The following MGAT4C variants were observed in gnomAD, a reference collection of about 807,000 sequenced individuals.
MGAT4C encodes alpha-1,3-mannosyl-glycoprotein 4-beta-N-acetylglucosaminyltransferase C.
A neutral mutation model predicts 40.1 loss-of-function variants in MGAT4C; 19 were observed. The observed-to-expected ratio is 0.47, with a 90% CI of 0.33 to 0.70. The LOEUF is 0.70. Ranked by LOEUF, MGAT4C falls within the 30% of genes least tolerant of loss-of-function variation. The pLI is 0.02. For synonymous variants in MGAT4C, 181 were observed against 187.1 expected (o/e 0.97, Z 0.27); for missense variants, 491 against 563.2 (o/e 0.87, Z 1.30).
chr12:86,769,585 A>G (rs1214377482), intron 1 of MGAT4C, among the ~76,000 whole-genome samples: 1 of 152,176 alleles, frequency 6.6e-6, no homozygotes, highest in African/African-American at 2.4e-5. Flanking sequence ...TTGCAGCACT[A>G]TTCACAATAG....
chr12:86,000,081 G>A, intron 2 of MGAT4C, among the ~76,000 whole-genome samples: 1 of 152,116 alleles, frequency 6.6e-6, no homozygotes, highest in East Asian at 1.9e-4. Flanking sequence ...ATTGTACAAT[G>A]TATACACATG....
chr12:86,566,986 C>T, intron 2 of MGAT4C, among the ~76,000 whole-genome samples: 1 of 152,008 alleles, frequency 6.6e-6, no homozygotes, highest in East Asian at 1.9e-4. Flanking sequence ...ACTGGTCTTA[C>T]CATGTTCCCT....
intron 2 of MGAT4C, among the ~76,000 whole-genome samples, chr12:86,025,010 C>A (rs1284993586): frequency 6.6e-6 from 1 of 151,296 alleles, no homozygotes; most frequent in Non-Finnish European, 1.5e-5. Flanking sequence ...TCGGATGAAA[C>A]CAGAATTCAA....
intron 3 of MGAT4C, among the ~76,000 whole-genome samples, chr12:86,345,043 C>T (rs1566306129): frequency 6.6e-6 from 1 of 151,198 alleles, no homozygotes; most frequent in Admixed American, 6.6e-5. Flanking sequence ...TAATGTGTTC[C>T]TTTTTTATTT....
chr12:86,107,895 G>A (rs1334505909), intron 1 of MGAT4C, among the ~76,000 whole-genome samples: 1 of 151,976 alleles, frequency 6.6e-6, no homozygotes, highest in African/African-American at 2.4e-5. Flanking sequence ...TCTCACAAAT[G>A]TTACTGTGGA....
intron 3 of MGAT4C, among the ~76,000 whole-genome samples, chr12:86,364,712 G>A (rs1035729057): frequency 1.1e-4 from 17 of 151,776 alleles, no homozygotes; most frequent in Non-Finnish European, 1.5e-5. Flanking sequence ...GTGTCTGGGG[G>A]TGACATCACA....
chr12:86,700,627 A>G (rs749877826), intron 2 of MGAT4C, among the ~76,000 whole-genome samples: 3 of 152,140 alleles, frequency 2.0e-5, no homozygotes, highest in Non-Finnish European at 4.4e-5. Flanking sequence ...TTACATCTAT[A>G]TCTACTGAAA....
chr12:86,324,366 A>G (rs1954471156), intron 4 of MGAT4C, among the ~76,000 whole-genome samples: 10 of 151,926 alleles, frequency 6.6e-5, no homozygotes, highest in Admixed American at 6.6e-4. Flanking sequence ...TAATTTCCAT[A>G]TTCTTACATT....
chr12:86,356,583 G>C (rs556823673), intron 3 of MGAT4C, among the ~76,000 whole-genome samples: 2 of 152,122 alleles, frequency 1.3e-5, no homozygotes, highest in Non-Finnish European at 2.9e-5. Flanking sequence ...AAGGGTAGCC[G>C]TGACAGATGG....
intron 3 of MGAT4C, among the ~76,000 whole-genome samples, chr12:86,382,917 C>T (rs55767133): frequency 6.6e-6 from 1 of 152,098 alleles, no homozygotes; most frequent in Admixed American, 6.5e-5. Flanking sequence ...GCTGCAGGGG[C>T]AAAGCCCTCA....
At chr12:86,320,891 G>A (rs561726586) in intron 4 of MGAT4C, among the ~76,000 whole-genome samples, 313 of 151,898 alleles carry the variant, frequency 2.1e-3, no homozygotes, top group African/African-American at 6.9e-3. Context: ...AGCTCTAATC[G>A]TTACCACATC....
At chr12:86,222,185 T>C (rs1193409503) in intron 1 of MGAT4C, among the ~76,000 whole-genome samples, 2 of 152,146 alleles carry the variant, frequency 1.3e-5, no homozygotes, top group East Asian at 3.9e-4. Context: ...TTCTTTCAAA[T>C]CAGAATCAGC....
intron 3 of MGAT4C, among the ~76,000 whole-genome samples, chr12:86,363,508 G>T (rs1291296532): frequency 1.3e-5 from 2 of 150,934 alleles, no homozygotes; most frequent in Non-Finnish European, 3.0e-5. Flanking sequence ...CATTAGAAAA[G>T]AAAAAAATTC....
At chr12:86,313,567 A>T (rs1183219132) in intron 4 of MGAT4C, among the ~76,000 whole-genome samples, 1 of 152,186 alleles carries the variant, frequency 6.6e-6, no homozygotes, top group Admixed American at 6.5e-5. Flanking sequence ...GCAGAAAAAA[A>T]CACATTCCTA....
At chr12:86,030,973 C>T (rs182388187) in intron 2 of MGAT4C, among the ~76,000 whole-genome samples, 4 of 151,844 alleles carry the variant, frequency 2.6e-5, no homozygotes, top group Admixed American at 2.0e-4. Context: ...GTAACCATTA[C>T]ATTTAGTCAC....
At chr12:86,166,315 AC>A (rs1886182123) in intron 1 of MGAT4C, among the ~76,000 whole-genome samples, 1 of 152,208 alleles carries the variant, frequency 6.6e-6, no homozygotes, top group South Asian at 2.1e-4. Flanking sequence ...GTTGAATTTT[AC>A]TTCTGAAAGG....
chr12:86,699,873 G>A (rs1433630473), intron 2 of MGAT4C, among the ~76,000 whole-genome samples: 2 of 151,988 alleles, frequency 1.3e-5, no homozygotes, highest in South Asian at 2.1e-4. Flanking sequence ...AGAAAAAAGA[G>A]GTCTTGCTGT....
At chr12:86,795,116 A>G (rs1301125197) in intron 1 of MGAT4C, among the ~76,000 whole-genome samples, 29 of 152,126 alleles carry the variant, frequency 1.9e-4, no homozygotes, top group Admixed American at 1.9e-3. Flanking sequence ...CAAAATACAT[A>G]AACCATTTAA....
At chr12:86,756,350 C>T in intron 1 of MGAT4C, among the ~76,000 whole-genome samples, 1 of 152,092 alleles carries the variant, frequency 6.6e-6, no homozygotes, top group Non-Finnish European at 1.5e-5. Context: ...CCTCATCTAA[C>T]CATGGTTACC....
Sources: gnomAD v4.1 joint callset for allele counts (sites outside exome capture counted in the v4.1 genomes callset) on GRCh38, gnomAD v4.1.1 for gene constraint, MANE v1.5 for transcripts, NCBI Gene and HGNC (gene_info 2026-07-23, HGNC 2026-07-21) for gene names.